CHODL: variants seen among roughly 807,000 people sequenced by gnomAD.
The protein encoded by CHODL is transmembrane protein MT75.
CHODL carries 29 observed loss-of-function variants against 34.5 expected under a neutral mutation model. The ratio of observed to expected loss-of-function variants is 0.84; its 90% CI spans 0.63 to 1.15. CHODL has a LOEUF of 1.15. Ranked by LOEUF, CHODL falls within the 50% of genes most tolerant of loss-of-function variation. The pLI is 0.00. For synonymous variants in CHODL, 125 were observed against 116.1 expected (o/e 1.08, Z -0.49); for missense variants, 332 against 332.5 (o/e 1.00, Z 0.01).
chr21:17,988,001 A>G (rs1350586074), intron 1 of CHODL, among the ~76,000 whole-genome samples: 1 of 152,180 alleles, frequency 6.6e-6, no homozygotes, highest in African/African-American at 2.4e-5. Context: ...TGATGTGAGT[A>G]CAAGGCATTT....
chr21:18,082,649 A>G (rs1160023545), intron 2 of CHODL, among the ~76,000 whole-genome samples: 1 of 152,206 alleles, frequency 6.6e-6, no homozygotes, highest in Non-Finnish European at 1.5e-5. Context: ...ACTGTAGTAA[A>G]GGTCACTCTT....
At chr21:17,978,103 G>T (rs958988776) in intron 1 of CHODL, among the ~76,000 whole-genome samples, 1 of 151,824 alleles carries the variant, frequency 6.6e-6, no homozygotes, top group East Asian at 1.9e-4. Flanking sequence ...TTTGTTTGGG[G>T]TCTCTTCACT....
chr21:18,050,687 A>T (rs1035798171), intron 2 of CHODL, among the ~76,000 whole-genome samples: 2 of 151,894 alleles, frequency 1.3e-5, no homozygotes, highest in African/African-American at 4.8e-5. Context: ...CTGGGAGGGG[A>T]CACACTTACG....
intron 2 of CHODL, among the ~76,000 whole-genome samples, chr21:18,198,516 G>T (rs981089518): frequency 2.0e-5 from 3 of 152,078 alleles, no homozygotes; most frequent in African/African-American, 7.2e-5. Flanking sequence ...TAACCCATAT[G>T]ATTCGACATT....
At chr21:18,211,817 C>T (rs1005565347) in intron 2 of CHODL, among the ~76,000 whole-genome samples, 8 of 152,094 alleles carry the variant, frequency 5.3e-5, no homozygotes, top group African/African-American at 1.9e-4. Flanking sequence ...TTTTATTGAT[C>T]GTGCCTCTCT....
intron 2 of CHODL, among the ~76,000 whole-genome samples, chr21:18,147,591 T>C (rs911131832): frequency 4.1e-4 from 63 of 152,356 alleles, no homozygotes; most frequent in African/African-American, 1.5e-3. Context: ...GAAGATAATG[T>C]TGATTGTTTT....
chr21:18,088,157 C>T (rs1374539031), intron 2 of CHODL, among the ~76,000 whole-genome samples: 4 of 152,132 alleles, frequency 2.6e-5, no homozygotes, highest in Non-Finnish European at 1.5e-5. Context: ...GGCAGTGACA[C>T]GAGCCAAACC....
At chr21:18,105,044 C>T (rs2065257045) in intron 2 of CHODL, among the ~76,000 whole-genome samples, 1 of 152,132 alleles carries the variant, frequency 6.6e-6, no homozygotes, top group African/African-American at 2.4e-5. Context: ...CCTGGTAAGA[C>T]TAAGGGAATA....
At chr21:18,259,768 G>A (rs999229146) in intron 3 of CHODL, among the ~76,000 whole-genome samples, 1 of 152,126 alleles carries the variant, frequency 6.6e-6, no homozygotes, top group East Asian at 1.9e-4. Flanking sequence ...GATTATTATT[G>A]CAAGGGGAAA....
chr21:17,971,994 A>C (rs764156187), intron 1 of CHODL, among the ~76,000 whole-genome samples: 3 of 152,208 alleles, frequency 2.0e-5, no homozygotes, highest in Non-Finnish European at 4.4e-5. Flanking sequence ...CTGGGATGCA[A>C]GGCTGGTTCA....
chr21:18,062,881 AAGAG>A (rs752039220), intron 2 of CHODL, among the ~76,000 whole-genome samples: 20 of 152,258 alleles, frequency 1.3e-4, no homozygotes, highest in Admixed American at 6.5e-4. Flanking sequence ...AGGTCAGAGA[AAGAG>A]AGAAAAGGAG....
intron 1 of CHODL, among the ~76,000 whole-genome samples, chr21:17,942,388 T>G (rs1207757055): frequency 6.6e-6 from 1 of 152,076 alleles, no homozygotes; most frequent in East Asian, 1.9e-4. Context: ...ATCTGATGGT[T>G]GTATAAAGGG....
intron 1 of CHODL, among the ~76,000 whole-genome samples, chr21:18,012,934 T>TA (rs35465369): frequency 5.9e-5 from 9 of 151,952 alleles, no homozygotes; most frequent in Non-Finnish European, 1.2e-4. Flanking sequence ...AATAAATGCG[T>TA]AAAAAAATAG....
intron 1 of CHODL, among the ~76,000 whole-genome samples, chr21:17,934,014 G>A (rs1490131976): frequency 6.7e-6 from 1 of 149,260 alleles, no homozygotes; most frequent in Non-Finnish European, 1.5e-5. Context: ...TCCAGTCTAA[G>A]TAACAAGAGT....
chr21:18,081,667 G>C (rs547043995), intron 2 of CHODL, among the ~76,000 whole-genome samples: 1 of 147,542 alleles, frequency 6.8e-6, no homozygotes, highest in East Asian at 2.0e-4. Context: ...GGCAAGAAGA[G>C]AGAAACTCCA....
intron 2 of CHODL, among the ~76,000 whole-genome samples, chr21:18,125,152 T>A (rs1446311339): frequency 2.0e-5 from 3 of 152,238 alleles, no homozygotes; most frequent in Non-Finnish European, 4.4e-5. Flanking sequence ...TTCTCTTTTA[T>A]GATAAACAAA....
chr21:18,173,982 A>G (rs1412178703), intron 2 of CHODL, among the ~76,000 whole-genome samples: 10 of 150,856 alleles, frequency 6.6e-5, no homozygotes, highest in Non-Finnish European at 1.3e-4. Flanking sequence ...AATTTTAAAA[A>G]CGAGTTTCTA....
chr21:18,164,444 G>A (rs576333134), intron 2 of CHODL, among the ~76,000 whole-genome samples: 10 of 152,194 alleles, frequency 6.6e-5, no homozygotes, highest in Non-Finnish European at 1.0e-4. Context: ...GGTGCTTTAG[G>A]CTAGTGTAGT....
At chr21:18,108,895 G>A (rs9305840) in intron 2 of CHODL, among the ~76,000 whole-genome samples, 7 of 149,476 alleles carry the variant, frequency 4.7e-5, no homozygotes, top group East Asian at 2.0e-4. Context: ...TTTCTTTCTC[G>A]CACTATTTTG....
Sources: allele counts gnomAD v4.1 joint callset (sites outside exome capture counted in the v4.1 genomes callset), GRCh38; gene constraint gnomAD v4.1.1; transcripts MANE v1.5; gene names NCBI Gene and HGNC (gene_info 2026-07-23, HGNC 2026-07-21).